CCDC169: variants seen among roughly 807,000 people sequenced by gnomAD.
CCDC169 encodes the protein coiled-coil domain containing 169.
In CCDC169, 30 loss-of-function variants were observed where a neutral mutation model predicts 36.0. The ratio of observed to expected loss-of-function variants is 0.83; its 90% CI spans 0.62 to 1.13. The LOEUF (loss-of-function observed/expected upper bound fraction) is 1.13, where lower values mean the gene tolerates loss of function less well. Ranked by LOEUF, CCDC169 falls within the 50% of genes most tolerant of loss-of-function variation. The pLI is 0.00. For missense variants in CCDC169, 245 were observed against 245.9 expected (o/e 1.00, Z 0.03); for synonymous variants, 85 against 81.5 (o/e 1.04, Z -0.23).
intron 6 of CCDC169, 85 bp from the exon 7 acceptor site, chr13:36,248,767 C>G: frequency 1.6e-6 from 2 of 1,238,682 alleles, no homozygotes; most frequent in South Asian, 2.8e-5. Context: ...TCAATTAACT[C>G]TCCCATAACC....
intron 1 of CCDC169, among the ~76,000 whole-genome samples, chr13:36,297,107 C>T (rs1372190566): frequency 6.6e-6 from 1 of 152,182 alleles, no homozygotes; most frequent in African/African-American, 2.4e-5. Context: ...GTCCAATTCT[C>T]ACGGGACTTG....
chr13:36,296,388 C>T (rs1260213153), intron 1 of CCDC169, among the ~76,000 whole-genome samples: 10 of 152,184 alleles, frequency 6.6e-5, no homozygotes, highest in African/African-American at 2.4e-4. Flanking sequence ...CCACCAGGCC[C>T]GGCCCTTGGA....
chr13:36,297,700 T>C lies in CCDC169; in HGVS notation c.20A>G (p.Tyr7Cys). ...GTTGGTGCTCACACCGTCGAAGTTGTAGTTTCTCTCTTCCTTCATAGTGTC... is the reference window on the plus strand; with the variant it reads ...GTTGGTGCTCACACCGTCGAAGTTGCAGTTTCTCTCTTCCTTCATAGTGTC... Reference protein sequence around the residue: MKEERNYNFDGVSTNRL... With the variant: MKEERNCNFDGVSTNRL... Residue 7 changes from tyrosine (Y) to cysteine (C), a missense_variant, in exon 1 of 8, where the codon TAC becomes TGC. Tyr to Cys is a radical substitution (Grantham distance 194). Transcript: ENST00000239859. The C allele has an allele frequency of 2.6e-6, 4 of 1,551,324 alleles. No individual in the cohort carries two copies. The highest frequency in any genetic ancestry group is 2.6e-6 in the Non-Finnish European group (3 of 1,146,984).
At chr13:36,273,393 A>C (rs1876357432) in intron 4 of CCDC169, among the ~76,000 whole-genome samples, 1 of 152,194 alleles carries the variant, frequency 6.6e-6, no homozygotes, top group East Asian at 1.9e-4. Context: ...CATGGGAAGA[A>C]TATGGGTTTG....
downstream of CCDC169, chr13:36,225,225 GA>G (rs1351738231): frequency 1.4e-5 from 2 of 145,868 alleles, no homozygotes; most frequent in African/African-American, 5.1e-5. Context: ...TTTTTTTTGA[GA>G]CAGGGTTTCA....
chr13:36,273,370 T>C (rs570349212), intron 4 of CCDC169, among the ~76,000 whole-genome samples: 10 of 152,292 alleles, frequency 6.6e-5, no homozygotes, highest in African/African-American at 2.4e-4. Context: ...GGGAGTACTT[T>C]AGGAGTTTTA....
chr13:36,283,492 G>C lies in CCDC169; in HGVS notation c.292C>G (p.Arg98Gly). ...ACCACTGGCATTCGTTCATAGACACGAATAGAAGATAGTCTATCTACAATA... is the reference window on the plus strand; with the variant it reads ...ACCACTGGCATTCGTTCATAGACACCAATAGAAGATAGTCTATCTACAATA... ...GNSSDRLSSI[R>G]VYERMPVESL... The change falls in exon 4 of 8, where the codon CGT becomes GGT. Residue 98 changes from arginine (R) to glycine (G), a missense_variant. Physicochemically the swap from Arg to Gly is moderately radical, Grantham distance 125. Transcript: ENST00000239859. 6.5e-7 allele frequency: 1 copy of C among 1,549,896 alleles called. No homozygotes were observed. The highest frequency in any genetic ancestry group is 8.7e-7 in the Non-Finnish European group (1 of 1,145,662).
chr13:36,275,588 G>A (rs1266710049), intron 4 of CCDC169, among the ~76,000 whole-genome samples: 1 of 152,172 alleles, frequency 6.6e-6, no homozygotes, highest in East Asian at 1.9e-4. Context: ...ACTTACACGT[G>A]TCAATAGTGC....
At chr13:36,288,640 G>C (rs977592928) in intron 2 of CCDC169, among the ~76,000 whole-genome samples, 3 of 152,028 alleles carry the variant, frequency 2.0e-5, no homozygotes, top group African/African-American at 7.2e-5. Context: ...TGCTTCCTAA[G>C]TTTTCACTAA....
At chr13:36,264,320 T>A (rs939586565) in intron 4 of CCDC169, among the ~76,000 whole-genome samples, 1 of 151,644 alleles carries the variant, frequency 6.6e-6, no homozygotes. Context: ...TGAGAAGGAT[T>A]TAGATGGAAA....
intron 7 of CCDC169, among the ~76,000 whole-genome samples, chr13:36,242,374 T>C (rs1021197044): frequency 6.6e-6 from 1 of 152,152 alleles, no homozygotes; most frequent in Non-Finnish European, 1.5e-5. Context: ...CTTTGGCCAT[T>C]TGGATATCCC....
intron 2 of CCDC169, among the ~76,000 whole-genome samples, chr13:36,293,568 C>A (rs1436952027): frequency 6.6e-6 from 1 of 152,162 alleles, no homozygotes; most frequent in Non-Finnish European, 1.5e-5. Flanking sequence ...ACTGGCCTGG[C>A]AGTCTCTACT....
At chr13:36,223,917 C>T (rs1869735050), downstream of CCDC169, 3 of 152,002 alleles carry the variant, frequency 2.0e-5, no homozygotes, top group South Asian at 6.2e-4. Context: ...ATTTCTTATC[C>T]AGTAGAATAT....
chr13:36,270,895 A>G (rs530069814), intron 4 of CCDC169, among the ~76,000 whole-genome samples: 47 of 152,228 alleles, frequency 3.1e-4, no homozygotes, highest in Non-Finnish European at 6.0e-4. Flanking sequence ...CAAAAAGCAA[A>G]TGCAACAAAA....
downstream of CCDC169, among the ~76,000 whole-genome samples, chr13:36,228,306 A>T (rs779495321): frequency 1.3e-5 from 2 of 152,262 alleles, no homozygotes; most frequent in African/African-American, 2.4e-5. Context: ...CAGGTTTTTC[A>T]CACTCATGTC....
In CCDC169 at chr13:36,291,278, G is replaced by A. The variant is rs2138645606; in HGVS notation, c.163+4500C>T. On this transcript the variant is annotated intron_variant, in intron 2 of 7. Coordinates refer to ENST00000239859, the MANE Select transcript of CCDC169 (RefSeq NM_001144981.3). ...AGAAGCTCAGCAAACATGTGTTAAT[G>A]CTGCAAAGCTTTCCCAAATTTATTT... Among the ~76,000 whole-genome samples the A allele has an allele frequency of 1.3e-5, 2 of 151,796 alleles. 1 individual carries two copies. Among genetic ancestry groups the A allele is most frequent in the South Asian group, 4.2e-4 (2 of 4,788 alleles).
chr13:36,240,741 T>C, intron 7 of CCDC169: 2 of 597,200 alleles, frequency 3.3e-6, no homozygotes, highest in Non-Finnish European at 5.2e-6. Flanking sequence ...TTTTAGGAAC[T>C]ATTCCTGTGG....
At chr13:36,246,749 G>A (rs535378180) in intron 7 of CCDC169, among the ~76,000 whole-genome samples, 12 of 152,276 alleles carry the variant, frequency 7.9e-5, no homozygotes, top group Admixed American at 2.6e-4. Context: ...GATTTTCAAT[G>A]TACACAAAAC....
intron 6 of CCDC169, among the ~76,000 whole-genome samples, chr13:36,250,658 A>G (rs1873041033): frequency 6.6e-6 from 1 of 152,206 alleles, no homozygotes; most frequent in Non-Finnish European, 1.5e-5. Flanking sequence ...AGGAATGGCT[A>G]ATGTAACTTA....
Sources: gnomAD v4.1 joint callset for allele counts (sites outside exome capture counted in the v4.1 genomes callset) on GRCh38, gnomAD v4.1.1 for gene constraint, MANE v1.5 for transcripts, NCBI Gene and HGNC (gene_info 2026-07-23, HGNC 2026-07-21) for gene names.